The following STIM1 variants were observed in gnomAD, a reference collection of about 807,000 sequenced individuals.
STIM1 encodes stromal interaction molecule 1.
A neutral mutation model predicts 74.7 loss-of-function variants in STIM1; 25 were observed. That is an observed-to-expected ratio of 0.33 (90% CI 0.24 to 0.47). STIM1 has a LOEUF of 0.47. Among genes scored for constraint, STIM1 ranks in the 20% least tolerant of loss-of-function variants. The pLI, the probability that STIM1 is intolerant of heterozygous loss-of-function variation, is 1.00. For synonymous variants in STIM1, 328 were observed against 348.8 expected (o/e 0.94, Z 0.66); for missense variants, 728 against 920.8 (o/e 0.79, Z 2.71).
rs202160322 is a variant in STIM1, at chr11:4,051,346, CT to C, written c.386-4166del. Among the ~76,000 whole-genome samples, 1,193 of 143,334 alleles carry C rather than the reference CT, an allele frequency of 8.3e-3. 6 individuals are homozygous for C. Among genetic ancestry groups the C allele is most frequent in the Admixed American group, 0.014 (201 of 14,338 alleles). 94.0% of individuals were successfully genotyped at this position (143,334 alleles called of 152,430 possible). A position where few individuals can be genotyped will look rare whatever the true frequency, so the allele number is the denominator to read the frequency against. ...TCAAAACACTTTAATGGTAAATTGT[CT>C]TTTTTTTTTTTTTGAGATGGAGTAT... On this transcript the variant is annotated intron_variant, in intron 3 of 12. Transcript: ENST00000526596.
intron 2 of STIM1, chr11:3,989,195 A>C: frequency 3.2e-6 from 3 of 943,602 alleles, no homozygotes; most frequent in South Asian, 1.3e-5. Context: ...GCCTCATCAG[A>C]GGCTGGACTC....
At position 4,055,775 on chromosome 11, in the gene STIM1, C is replaced by T; in HGVS notation, c.497+138C>T. 4 of 632,302 alleles carry T rather than the reference C, an allele frequency of 6.3e-6. No individual in the cohort carries two copies. In the South Asian group the frequency reaches 7.8e-5, roughly 12 times the overall value. 39.2% of individuals were successfully genotyped at this position (632,302 alleles called of 1,614,324 possible). On this transcript the variant is annotated intron_variant, in intron 4 of 12. Coordinates refer to ENST00000526596, the MANE Select transcript of STIM1 (RefSeq NM_001382567.1). ...CGTCTATAGATCTTGCCTCTTCTCA[C>T]ATCTGTTGTGCACTTGCTATAAAGT...
chr11:4,005,434 C>T (rs1278498332), intron 2 of STIM1, among the ~76,000 whole-genome samples: 1 of 152,074 alleles, frequency 6.6e-6, no homozygotes, highest in Non-Finnish European at 1.5e-5. Flanking sequence ...TTTGTAGGGA[C>T]ATGGATGAAA....
chr11:3,872,085 C>G (rs1490922567), intron 1 of STIM1, among the ~76,000 whole-genome samples: 1 of 152,110 alleles, frequency 6.6e-6, no homozygotes, highest in African/African-American at 2.4e-5. Flanking sequence ...CAGAGTCTAC[C>G]TCTGTCGCCC....
At chr11:4,004,925 T>C (rs375820942) in intron 2 of STIM1, among the ~76,000 whole-genome samples, 4 of 152,224 alleles carry the variant, frequency 2.6e-5, no homozygotes, top group Admixed American at 6.5e-5. Flanking sequence ...GGGCAAAGGA[T>C]ATGAACAGAC....
intron 1 of STIM1, among the ~76,000 whole-genome samples, chr11:3,915,371 C>T (rs1244343511): frequency 6.6e-6 from 1 of 151,678 alleles, no homozygotes; most frequent in African/African-American, 2.4e-5. Flanking sequence ...ATTAATAGGC[C>T]TGAGCCACTG....
rs764002968 is a variant in STIM1, at chr11:4,070,116, G to A, written c.704G>A (p.Arg235His). Residue 235 changes from arginine to histidine, a missense_variant, in exon 6 of 13, where the codon CGT (arginine) becomes CAT (histidine). By Grantham distance (29) the Arg-to-His change is conservative. Transcript: ENST00000526596. ...TGCTGGTTTGCCTATATCCAGAACC[G>A]TTACTCCAAGGAGCACATGAAGAAG... Reference protein sequence around the residue: ...GGCWFAYIQNRYSKEHMKKMM... With the variant: ...GGCWFAYIQNHYSKEHMKKMM... 6.2e-6 allele frequency: 10 copies of A among 1,614,156 alleles called. No individual in the cohort carries two copies. The highest frequency in any genetic ancestry group is 3.3e-5 in the Admixed American group (2 of 60,010).
At chr11:3,892,863 C>A in intron 1 of STIM1, 1 of 1,599,130 alleles carries the variant, frequency 6.3e-7, no homozygotes, top group East Asian at 2.2e-5. Context: ...ACAGCAATGT[C>A]GAAGAACACG....
At chr11:4,066,322 T>C (rs374959331) in intron 5 of STIM1, among the ~76,000 whole-genome samples, 1 of 152,198 alleles carries the variant, frequency 6.6e-6, no homozygotes, top group Non-Finnish European at 1.5e-5. Context: ...CAGCTGGCCA[T>C]GCTCTTTTTG....
At chr11:4,013,057 G>C (rs1224299115) in intron 2 of STIM1, among the ~76,000 whole-genome samples, 6 of 152,210 alleles carry the variant, frequency 3.9e-5, no homozygotes, top group Non-Finnish European at 4.4e-5. Flanking sequence ...AACCAGCCTT[G>C]CATCCCAGGA....
intron 2 of STIM1, among the ~76,000 whole-genome samples, chr11:4,004,835 C>G (rs2135930088): frequency 6.6e-6 from 1 of 152,324 alleles, no homozygotes; most frequent in Admixed American, 6.5e-5. Context: ...GCAACCTACT[C>G]ATCTGACAAA....
rs1565170474 is a variant in STIM1, at chr11:4,082,289, G to C, written c.1075G>C (p.Val359Leu). 3 of 1,613,858 alleles carry C rather than the reference G, an allele frequency of 1.9e-6. No individual in the cohort carries two copies. Among genetic ancestry groups the C allele is most frequent in the South Asian group, 1.1e-5 (1 of 91,074 alleles). The change falls in exon 8 of 13, where the codon GTG becomes CTG. Residue 359 changes from valine to leucine, a missense_variant. Transcript: ENST00000526596. ...GCTGCAGCTGACACATGAGGTGGAG[G>C]TGCAATATTACAACATCAAGAAGCA... ...KWLQLTHEVE[V>L]QYYNIKKQNA...
Position 4,000,719 on chromosome 11 carries a change from G to A in STIM1, c.271-23154G>A, listed in dbSNP as rs868713612. The stretch of plus-strand genomic sequence containing the variant: ...GGAACGCAGTTCCTCACCAGCAACG[G>A]AACAAAGCTGGACGGAGAATGACTT... On this transcript the variant is annotated intron_variant, in intron 2 of 12. Coordinates refer to ENST00000526596, the MANE Select transcript of STIM1 (RefSeq NM_001382567.1). 2.6e-3 allele frequency among the ~76,000 whole-genome samples: 395 copies of A among 152,342 alleles called. 3 individuals are homozygous for A. In the Middle Eastern group the frequency reaches 0.044, roughly 17 times the overall value.
chr11:3,989,495 T>TCG (rs1299580292), intron 2 of STIM1: 2 of 618,110 alleles, frequency 3.2e-6, no homozygotes, highest in African/African-American at 3.7e-5. Context: ...GCGGGATGTC[T>TCG]GTGAGCCGCG....
intron 1 of STIM1, among the ~76,000 whole-genome samples, chr11:3,910,182 C>T (rs573880487): frequency 1.5e-3 from 233 of 152,208 alleles, no homozygotes; most frequent in Non-Finnish European, 2.7e-3. Flanking sequence ...ATTCTTTGGG[C>T]AATGCAGAAC....
intron 7 of STIM1, among the ~76,000 whole-genome samples, chr11:4,078,869 C>T (rs984548649): frequency 2.0e-5 from 3 of 151,946 alleles, no homozygotes; most frequent in Non-Finnish European, 4.4e-5. Context: ...CCACACTTAG[C>T]GAGGACCCTT....
intron 1 of STIM1, among the ~76,000 whole-genome samples, chr11:3,920,732 A>G (rs886876692): frequency 4.6e-5 from 7 of 152,024 alleles, no homozygotes; most frequent in Non-Finnish European, 8.8e-5. Flanking sequence ...ACCAAACCCA[A>G]TAACACCTTC....
rs1205613190 is a variant in STIM1 at position 3,899,609 on chromosome 11, A to G, written c.139+43200A>G. On this transcript the variant is annotated intron_variant, in intron 1 of 12. Transcript: ENST00000526596. ...TGTCTTGTGCCAGTTTTCAAAGGGA[A>G]TGCTTCCAGTTTTTGTCCATTCAGT... is the stretch of plus-strand genomic sequence containing the variant. Among the ~76,000 whole-genome samples the G allele has an allele frequency of 7.9e-5, 12 of 151,224 alleles. No individual in the cohort carries two copies. In the East Asian group the frequency reaches 2.1e-3, roughly 27 times the overall value.
At chr11:4,015,209 G>C (rs1263950389) in intron 2 of STIM1, among the ~76,000 whole-genome samples, 1 of 152,134 alleles carries the variant, frequency 6.6e-6, no homozygotes, top group Non-Finnish European at 1.5e-5. Flanking sequence ...TCCATGTTTA[G>C]TGCTTCCTTC....
Sources: allele counts gnomAD v4.1 joint callset (sites outside exome capture counted in the v4.1 genomes callset), GRCh38; gene constraint gnomAD v4.1.1; transcripts MANE v1.5; gene names NCBI Gene and HGNC (gene_info 2026-07-23, HGNC 2026-07-21).